SCHIP1: variants seen among roughly 807,000 people sequenced by gnomAD.
SCHIP1 encodes schwannomin interacting protein 1, also known as schwannomin-interacting protein 1.
Under a neutral mutation model 29.7 loss-of-function variants are expected in SCHIP1, and 8 were observed. The ratio of observed to expected loss-of-function variants is 0.27; its 90% CI spans 0.16 to 0.49. The LOEUF (loss-of-function observed/expected upper bound fraction) is 0.49, where lower values mean the gene tolerates loss of function less well. SCHIP1 is among the 20% of genes least tolerant of loss of function. SCHIP1 has a pLI of 0.99. For missense variants in SCHIP1, 193 were observed against 294.6 expected (o/e 0.66, Z 2.52); for synonymous variants, 76 against 94.9 (o/e 0.80, Z 1.16).
chr3:159,508,249 T>G, the SCHIP1 span, among the ~76,000 whole-genome samples: 1 of 152,364 alleles, frequency 6.6e-6, no homozygotes, highest in Non-Finnish European at 1.5e-5. Context: ...CTAGTTTATT[T>G]GCGTAGAGAT....
the SCHIP1 span, among the ~76,000 whole-genome samples, chr3:159,500,699 C>T: frequency 2.4e-4 from 36 of 149,310 alleles, 1 homozygote; most frequent in African/African-American, 8.2e-4. Context: ...GGCGAAAGAG[C>T]GAGACTCTGT....
At chr3:159,540,229 TA>T in the SCHIP1 span, among the ~76,000 whole-genome samples, 1 of 151,910 alleles carries the variant, frequency 6.6e-6, no homozygotes. Context: ...TGATGTTTTT[TA>T]AAAAAGAGTT....
chr3:159,326,845 G>A, the SCHIP1 span, among the ~76,000 whole-genome samples: 1 of 152,098 alleles, frequency 6.6e-6, no homozygotes, highest in Admixed American at 6.6e-5. Flanking sequence ...TACTTGGCTG[G>A]AGTAAAACTA....
the SCHIP1 span, among the ~76,000 whole-genome samples, chr3:159,296,375 C>T: frequency 6.6e-6 from 1 of 152,042 alleles, no homozygotes; most frequent in Non-Finnish European, 1.5e-5. Context: ...ATTTGATATA[C>T]ATATATATTG....
the SCHIP1 span, among the ~76,000 whole-genome samples, chr3:159,675,845 T>C: frequency 1.3e-5 from 2 of 152,300 alleles, no homozygotes; most frequent in South Asian, 4.1e-4. Context: ...AATATTTATA[T>C]ATGAGGCCAG....
chr3:159,330,527 G>T, the SCHIP1 span, among the ~76,000 whole-genome samples: 1 of 152,028 alleles, frequency 6.6e-6, no homozygotes, highest in Non-Finnish European at 1.5e-5. Flanking sequence ...TTTAATCTTT[G>T]TAGATTTATA....
At chr3:159,345,752 T>C in the SCHIP1 span, among the ~76,000 whole-genome samples, 2 of 152,152 alleles carry the variant, frequency 1.3e-5, no homozygotes, top group Non-Finnish European at 2.9e-5. Flanking sequence ...TTTGTGCTTC[T>C]CAGACAGGAG....
chr3:159,752,871 T>C, the SCHIP1 span, among the ~76,000 whole-genome samples: 1 of 152,236 alleles, frequency 6.6e-6, no homozygotes, highest in African/African-American at 2.4e-5. Context: ...AGCATCTTAT[T>C]TGACTTCATT....
the SCHIP1 span, among the ~76,000 whole-genome samples, chr3:159,733,434 T>C: frequency 1.2e-3 from 187 of 152,180 alleles, no homozygotes; most frequent in African/African-American, 4.4e-3. Flanking sequence ...TTACGTAATA[T>C]CCAAAGCCGT....
At chr3:159,593,064 A>G in the SCHIP1 span, among the ~76,000 whole-genome samples, 1 of 152,146 alleles carries the variant, frequency 6.6e-6, no homozygotes. Context: ...TGTGAGTTCC[A>G]GTTTCCTCAT....
the SCHIP1 span, among the ~76,000 whole-genome samples, chr3:159,552,048 T>C: frequency 6.8e-6 from 1 of 146,012 alleles, no homozygotes; most frequent in Non-Finnish European, 1.5e-5. Context: ...TTTTTTTTTT[T>C]TTTTTTTTGA....
chr3:159,456,166 G>A, the SCHIP1 span, among the ~76,000 whole-genome samples: 2 of 152,120 alleles, frequency 1.3e-5, no homozygotes, highest in Non-Finnish European at 2.9e-5. Context: ...CCCTTCGCTG[G>A]AGCTTGCTGG....
the SCHIP1 span, among the ~76,000 whole-genome samples, chr3:159,664,220 CTG>C: frequency 1.3e-5 from 2 of 152,274 alleles, no homozygotes; most frequent in East Asian, 3.9e-4. Flanking sequence ...GGCAAAGTCA[CTG>C]TGAGAGAAAT....
chr3:159,706,847 C>T, the SCHIP1 span, among the ~76,000 whole-genome samples: 1 of 152,284 alleles, frequency 6.6e-6, no homozygotes, highest in South Asian at 2.1e-4. Context: ...GATGGGGTGA[C>T]TTCTGACTCA....
the SCHIP1 span, among the ~76,000 whole-genome samples, chr3:159,562,374 C>T: frequency 1.3e-5 from 2 of 152,286 alleles, no homozygotes; most frequent in South Asian, 4.1e-4. Flanking sequence ...ATTGTCCCAC[C>T]TCCACTGTGG....
the SCHIP1 span, among the ~76,000 whole-genome samples, chr3:159,731,870 A>AT: frequency 4.1e-4 from 61 of 148,100 alleles, no homozygotes; most frequent in Middle Eastern, 3.5e-3. Context: ...TTATCCAGGA[A>AT]TTTTTTTTTT....
chr3:159,535,346 C>T, the SCHIP1 span, among the ~76,000 whole-genome samples: 1 of 152,156 alleles, frequency 6.6e-6, no homozygotes, highest in Admixed American at 6.5e-5. Context: ...AAAGATCTCT[C>T]AGGTCACTAT....
chr3:159,668,003 T>C, the SCHIP1 span, among the ~76,000 whole-genome samples: 1 of 152,196 alleles, frequency 6.6e-6, no homozygotes, highest in African/African-American at 2.4e-5. Flanking sequence ...TCCAAGCCAG[T>C]GAAAGAGAAG....
At chr3:159,840,635 A>C (rs1744136458) in intron 1 of SCHIP1, among the ~76,000 whole-genome samples, 1 of 152,250 alleles carries the variant, frequency 6.6e-6, no homozygotes, top group Non-Finnish European at 1.5e-5. Context: ...TTAAGAAATT[A>C]TGTAAATAGA....
Sources: gnomAD v4.1 joint callset for allele counts (sites outside exome capture counted in the v4.1 genomes callset) on GRCh38, gnomAD v4.1.1 for gene constraint, MANE v1.5 for transcripts, NCBI Gene and HGNC (gene_info 2026-07-23, HGNC 2026-07-21) for gene names.